RPH3AL: variants seen among roughly 807,000 people sequenced by gnomAD.
RPH3AL encodes rab effector Noc2.
In RPH3AL, 38 loss-of-function variants were observed where a neutral mutation model predicts 43.1. The ratio of observed to expected loss-of-function variants is 0.88; its 90% CI spans 0.68 to 1.15. RPH3AL has a LOEUF of 1.15. Ranked by LOEUF, RPH3AL falls within the 50% of genes most tolerant of loss-of-function variation. RPH3AL has a pLI of 0.00. For synonymous variants in RPH3AL, 189 were observed against 176.3 expected, an observed-to-expected ratio of 1.07 and a Z score of -0.57; for missense variants, 462 against 423.2, an observed-to-expected ratio of 1.09 and a Z score of -0.81.
intron 5 of RPH3AL, 142 bp from the exon 6 acceptor site, chr17:281,996 A>G (rs2042792770): frequency 3.0e-6 from 2 of 669,772 alleles, no homozygotes; most frequent in Admixed American, 4.7e-5. Context: ...CAATCACCCC[A>G]GAGGCACAGC....
At chr17:331,382 T>A (rs1171955053) in intron 2 of RPH3AL, 1 of 199,194 alleles carries the variant, frequency 5.0e-6, no homozygotes, top group Non-Finnish European at 9.3e-6. Flanking sequence ...TCATCACTGA[T>A]GGCAAGTCTG....
At chr17:267,940 T>G (rs1279279929) in intron 6 of RPH3AL, among the ~76,000 whole-genome samples, 1 of 152,084 alleles carries the variant, frequency 6.6e-6, no homozygotes, top group Non-Finnish European at 1.5e-5. Context: ...CATATTCCAG[T>G]AAATACCTGT....
intron 6 of RPH3AL, among the ~76,000 whole-genome samples, chr17:273,346 G>A (rs1343832635): frequency 8.6e-5 from 8 of 93,128 alleles, no homozygotes; most frequent in African/African-American, 2.6e-4. Flanking sequence ...CCCCAGCGAG[G>A]GTGACGTCAG....
chr17:223,933 C>A, intron 7 of RPH3AL, among the ~76,000 whole-genome samples: 1 of 152,096 alleles, frequency 6.6e-6, no homozygotes, highest in South Asian at 2.1e-4. Flanking sequence ...AGTAGGTTCA[C>A]CCCCAGCAGA....
chr17:338,178 C>G (rs1180958248), intron 1 of RPH3AL, among the ~76,000 whole-genome samples: 1 of 152,156 alleles, frequency 6.6e-6, no homozygotes, highest in African/African-American at 2.4e-5. Context: ...GCAGGGAAAC[C>G]AGGCTGGGCG....
In RPH3AL at chr17:219,675, G is replaced by A. The variant is rs1378346774; in HGVS notation, c.675C>T (p.Leu225=). Residue 225 remains leucine (L), a synonymous_variant, in exon 8 of 10, where the codon CTC becomes CTT. Transcript: ENST00000331302. Reference sequence around the variant, plus strand: ...TCCGGTCCCTGACCCCAGTGGATGGGAGTCTGTCCTCTAGGCTGGAGGAGC... The same window carrying A: ...TCCGGTCCCTGACCCCAGTGGATGGAAGTCTGTCCTCTAGGCTGGAGGAGC... The part of the protein sequence containing the change: ...DLSSSSLEDR[L]PSTGVRDRKG... 2.5e-6 allele frequency: 4 copies of A among 1,613,648 alleles called. No individual in the cohort carries two copies. Among genetic ancestry groups the A allele is most frequent in the Non-Finnish European group, 8.5e-7 (1 of 1,179,906 alleles).
Position 220,086 on chromosome 17 carries a change from GC to G in RPH3AL, c.614-351del, listed in dbSNP as rs2040922095. On this transcript the variant is annotated intron_variant, in intron 7 of 9. Coordinates refer to ENST00000331302, the MANE Select transcript of RPH3AL (RefSeq NM_006987.4). ...GTCGGAGGCTGATTATCACCGTGAT[GC>G]AGGCACAACAGATCTGAGGCCTCCA... is the stretch of plus-strand genomic sequence containing the variant. Among the ~76,000 whole-genome samples, 4 of 146,376 alleles carry G rather than the reference GC, an allele frequency of 2.7e-5. No homozygotes were observed. The South Asian group carries it at 8.8e-4, about 32-fold the overall frequency.
intron 6 of RPH3AL, among the ~76,000 whole-genome samples, chr17:253,039 G>A (rs888922406): frequency 4.9e-4 from 74 of 152,180 alleles, no homozygotes; most frequent in African/African-American, 1.8e-3. Context: ...TTTTTGGGGT[G>A]GGGACCTCGG....
chr17:264,430 T>C lies in RPH3AL; in HGVS notation c.439-17145A>G, dbSNP rs55912901. ...GCGCGCTGGATGGGGACTCAGAATC[T>C]GCAGCATGTTGACAGCAGGATTACC... On this transcript the variant is annotated intron_variant, in intron 6 of 9. Coordinates refer to ENST00000331302, the MANE Select transcript of RPH3AL (RefSeq NM_006987.4). This position sits in a 1 kb window ranked among gnomAD's most constrained non-coding sequence, Gnocchi z 4.8. Among the ~76,000 whole-genome samples the C allele has an allele frequency of 0.066, 830 of 12,594 alleles. 29 individuals are homozygous for C. The highest frequency in any genetic ancestry group is 0.12 in the Middle Eastern group (1 of 8). The allele number at this position is 12,594 out of a possible 152,430, so 8.3% of individuals were successfully genotyped here.
intron 6 of RPH3AL, among the ~76,000 whole-genome samples, chr17:263,732 G>A (rs907226821): frequency 3.3e-5 from 5 of 152,208 alleles, no homozygotes; most frequent in African/African-American, 1.2e-4. Flanking sequence ...AAGGAATGCA[G>A]TAAGTAAAAT....
intron 5 of RPH3AL, among the ~76,000 whole-genome samples, chr17:318,171 TC>T (rs2044353040): frequency 6.6e-6 from 1 of 152,032 alleles, no homozygotes; most frequent in African/African-American, 2.4e-5. Flanking sequence ...TCACCTGAGG[TC>T]AGGAGTTCAA....
intron 7 of RPH3AL, among the ~76,000 whole-genome samples, chr17:242,089 C>T (rs1446557673): frequency 6.6e-6 from 1 of 151,952 alleles, no homozygotes; most frequent in Non-Finnish European, 1.5e-5. Context: ...CACACTCCAG[C>T]CTGGGTGGCA....
chr17:226,615 G>T (rs937167517), intron 7 of RPH3AL, among the ~76,000 whole-genome samples: 2 of 152,306 alleles, frequency 1.3e-5, no homozygotes, highest in Admixed American at 6.5e-5. Context: ...GAGAAGCCCT[G>T]GGCCCAACAC....
At chr17:304,949 GA>G (rs2043432112) in intron 5 of RPH3AL, among the ~76,000 whole-genome samples, 1 of 67,026 alleles carries the variant, frequency 1.5e-5, no homozygotes, top group Admixed American at 1.6e-4. Context: ...GACAGGGCGA[GA>G]GGGGGACAGG....
At chr17:295,920 T>C (rs1179606102) in intron 5 of RPH3AL, among the ~76,000 whole-genome samples, 1 of 104,630 alleles carries the variant, frequency 9.6e-6, no homozygotes, top group Non-Finnish European at 1.9e-5. Context: ...GGAATGCACA[T>C]CAGTGTGGGA....
chr17:337,814 C>T (rs186572722), intron 1 of RPH3AL, among the ~76,000 whole-genome samples: 16 of 152,330 alleles, frequency 1.1e-4, no homozygotes, highest in Admixed American at 5.9e-4. Context: ...ATGGGGCACA[C>T]GTAGGAGGTT....
At chr17:301,364 C>T (rs778737715) in intron 5 of RPH3AL, among the ~76,000 whole-genome samples, 11 of 152,248 alleles carry the variant, frequency 7.2e-5, no homozygotes, top group African/African-American at 2.2e-4. Flanking sequence ...AGTGCAGTGG[C>T]GGGAGCACGG....
chr17:222,898 T>C (rs1433656286), intron 7 of RPH3AL, among the ~76,000 whole-genome samples: 4 of 152,202 alleles, frequency 2.6e-5, no homozygotes, highest in Admixed American at 2.6e-4. Flanking sequence ...CCTCCATCAA[T>C]ACTTTCCAGG....
At chr17:280,284 G>A (rs1306901654) in intron 6 of RPH3AL, among the ~76,000 whole-genome samples, 1 of 152,136 alleles carries the variant, frequency 6.6e-6, no homozygotes, top group Non-Finnish European at 1.5e-5. Context: ...CTAAAATCAG[G>A]CTGTTGAGGG....
Sources: gnomAD v4.1 joint callset for allele counts (sites outside exome capture counted in the v4.1 genomes callset) on GRCh38, gnomAD v4.1.1 for gene constraint, Gnocchi (gnomAD v3.1) non-coding constraint, MANE v1.5 for transcripts, NCBI Gene and HGNC (gene_info 2026-07-23, HGNC 2026-07-21) for gene names.